CDON: variants seen among roughly 807,000 people sequenced by gnomAD.
The protein encoded by CDON is cell adhesion associated, oncogene regulated.
A neutral mutation model predicts 120.9 loss-of-function variants in CDON; 73 were observed. The observed-to-expected ratio is 0.60, with a 90% CI of 0.50 to 0.73. CDON has a LOEUF of 0.73. Among genes scored for constraint, CDON ranks in the 30% least tolerant of loss-of-function variants. The probability of loss-of-function intolerance (pLI) is 0.00; values close to 1 mark genes in which losing one functional copy is unlikely to be tolerated. For synonymous variants in CDON, 566 were observed against 573.5 expected, an observed-to-expected ratio of 0.99 and a Z score of 0.19; for missense variants, 1,470 against 1,587.3, an observed-to-expected ratio of 0.93 and a Z score of 1.26.
chr11:126,035,957 T>C (rs959182094), intron 1 of CDON, among the ~76,000 whole-genome samples: 1 of 152,156 alleles, frequency 6.6e-6, no homozygotes, highest in Non-Finnish European at 1.5e-5. Context: ...AGGCCACACA[T>C]GCACGAAGCG....
chr11:126,050,279 A>G (rs1948522253), intron 1 of CDON, among the ~76,000 whole-genome samples: 1 of 152,062 alleles, frequency 6.6e-6, no homozygotes, highest in African/African-American at 2.4e-5. Flanking sequence ...TCCTAAACAC[A>G]TACAACTGTG....
chr11:126,010,131 A>T (rs1367078517), intron 8 of CDON, among the ~76,000 whole-genome samples: 1 of 152,214 alleles, frequency 6.6e-6, no homozygotes, highest in Admixed American at 6.5e-5. Flanking sequence ...TTGCACCTAC[A>T]ATCTTAACAA....
At chr11:125,974,518 G>GA (rs952883103) in intron 18 of CDON, among the ~76,000 whole-genome samples, 1 of 151,684 alleles carries the variant, frequency 6.6e-6, no homozygotes, top group South Asian at 2.1e-4. Context: ...AAGGCAGTAA[G>GA]AAAAAATAAC....
rs781027083 is a variant in CDON at position 125,989,751 on chromosome 11, G to T, written c.2659C>A (p.Gln887Lys). The T allele has an allele frequency of 2.5e-6, 4 of 1,612,624 alleles. No homozygotes were observed. In the Admixed American group the frequency reaches 5.0e-5, roughly 20 times the overall value. ...TGCAGGTGGCCAATCATGTGCCACT[G>T]CTTTGAACCTAAAAGGAAAAATAAA... Reference protein sequence around the residue: ...YKRDVVEGSKQWHMIGHLQPE... With the variant: ...YKRDVVEGSKKWHMIGHLQPE... Residue 887 changes from glutamine to lysine, a missense_variant, in exon 15 of 20, where the codon CAG (glutamine) becomes AAG (lysine). Gln to Lys is a moderately conservative substitution (Grantham distance 53). Transcript: ENST00000531738.
At chr11:126,055,763 A>G (rs1032757021) in intron 1 of CDON, among the ~76,000 whole-genome samples, 6 of 152,240 alleles carry the variant, frequency 3.9e-5, no homozygotes, top group Non-Finnish European at 8.8e-5. Flanking sequence ...AAGGTAGTAC[A>G]TGCTATACTT....
chr11:126,019,499 T>G, intron 4 of CDON, 120 bp downstream of exon 4: 1 of 1,049,238 alleles, frequency 9.5e-7, no homozygotes. Context: ...TTTGTTTTAG[T>G]CCTCTCCACT....
At chr11:126,011,053 A>G in intron 7 of CDON, 1 of 349,456 alleles carries the variant, frequency 2.9e-6, no homozygotes, top group Non-Finnish European at 5.6e-6. Flanking sequence ...ATGTGTAAAT[A>G]AGTATAAAAG....
At chr11:125,962,808 GCT>G (rs1358683387) in intron 18 of CDON, among the ~76,000 whole-genome samples, 7 of 152,008 alleles carry the variant, frequency 4.6e-5, no homozygotes, top group South Asian at 2.1e-4. Context: ...TTTTGTACCG[GCT>G]CTGTTTATCG....
intron 1 of CDON, among the ~76,000 whole-genome samples, chr11:126,038,678 T>C (rs993680788): frequency 6.6e-6 from 1 of 151,916 alleles, no homozygotes; most frequent in African/African-American, 2.4e-5. Context: ...AAAGAATCTC[T>C]GGTTATGAAC....
chr11:125,971,382 CTAAATAAATAAA>C (rs374833815), intron 18 of CDON, among the ~76,000 whole-genome samples: 1,686 of 103,206 alleles, frequency 0.016, 13 homozygotes, highest in Non-Finnish European at 0.025. Context: ...GACTCTGTCT[CTAAATAAATAAA>C]TAAATAAATA....
intron 18 of CDON, among the ~76,000 whole-genome samples, chr11:125,976,493 T>C (rs187227549): frequency 6.6e-6 from 1 of 152,272 alleles, no homozygotes; most frequent in African/African-American, 2.4e-5. Context: ...TGAAATGTAG[T>C]AAGTCATTAA....
intron 4 of CDON, 105 bp from the exon 5 acceptor site, chr11:126,018,578 T>A (rs1947538882): frequency 5.9e-6 from 6 of 1,025,524 alleles, no homozygotes; most frequent in Non-Finnish European, 9.1e-6. Flanking sequence ...CCATCTTATT[T>A]TATTTTAGAG....
chr11:125,980,737 T>C (rs1278130339), intron 17 of CDON, among the ~76,000 whole-genome samples: 1 of 152,228 alleles, frequency 6.6e-6, no homozygotes. Flanking sequence ...TCTCGATAAA[T>C]CAAATTTAAA....
chr11:126,043,191 A>G (rs1948312106), intron 1 of CDON, among the ~76,000 whole-genome samples: 1 of 152,190 alleles, frequency 6.6e-6, no homozygotes, highest in Non-Finnish European at 1.5e-5. Flanking sequence ...AGATGTTTGC[A>G]CAGGAGTGTT....
chr11:126,045,026 AAT>A (rs112780236), intron 1 of CDON, among the ~76,000 whole-genome samples: 24,648 of 151,808 alleles, frequency 0.16, 2,233 homozygotes, highest in Middle Eastern at 0.25. Flanking sequence ...AATAATTTAA[AAT>A]ATATATATAG....
chr11:126,050,242 C>T (rs1462978138), intron 1 of CDON, among the ~76,000 whole-genome samples: 2 of 150,982 alleles, frequency 1.3e-5, no homozygotes, highest in Non-Finnish European at 2.9e-5. Flanking sequence ...AAAAAAGCAC[C>T]CTTAGAATTT....
In CDON at chr11:126,018,377, G is replaced by A; in HGVS notation, c.593C>T (p.Thr198Ile). ...AATAGGTTCAACTTTTAATTGATGT[G>A]TGACAGGATTATAAGCTGCACATTT... is the stretch of plus-strand genomic sequence containing the variant. ...SYKCAAYNPV[T>I]HQLKVEPIGR... The change falls in exon 5 of 20, where the codon ACA becomes ATA. Residue 198 changes from threonine (T) to isoleucine (I), a missense_variant. Thr to Ile is a moderately conservative substitution (Grantham distance 89). Coordinates refer to ENST00000531738, the MANE Select transcript of CDON (RefSeq NM_001378964.1). 6 of 1,613,946 alleles carry A rather than the reference G, an allele frequency of 3.7e-6. No homozygotes were observed. Among genetic ancestry groups the A allele is most frequent in the Non-Finnish European group, 5.1e-6 (6 of 1,179,888 alleles).
rs757546563 is a variant in CDON, at chr11:125,961,963, C to T, written c.3392G>A (p.Ser1131Asn). 1 of 1,614,214 alleles carries T rather than the reference C, an allele frequency of 6.2e-7. No homozygotes were observed. Among genetic ancestry groups the T allele is most frequent in the Admixed American group, 1.7e-5 (1 of 60,024 alleles). The change falls in exon 19 of 20, where the codon AGC becomes AAC. Residue 1131 changes from serine to asparagine, a missense_variant. Physicochemically the swap from Ser to Asn is conservative, Grantham distance 46 (BLOSUM62 1). Coordinates refer to ENST00000531738, the MANE Select transcript of CDON (RefSeq NM_001378964.1). ...TACCACAGGGACCACAGGAGGAGGG[C>T]TGCTGCTGAAAGTGCTGTTGGTTTT... ...FTKTNSTFSSSPPPVVPVVAP... is the reference protein window; with the variant it reads ...FTKTNSTFSSNPPPVVPVVAP...
In CDON at chr11:126,019,649, T is replaced by A; in HGVS notation, c.466A>T (p.Ile156Phe). 6.2e-7 allele frequency: 1 copy of A among 1,614,132 alleles called. No individual in the cohort carries two copies. The highest frequency in any genetic ancestry group is 8.5e-7 in the Non-Finnish European group (1 of 1,180,008). Residue 156 changes from isoleucine (I) to phenylalanine (F), a missense_variant, in exon 4 of 20, where the codon ATC becomes TTC. Ile to Phe is a conservative substitution (Grantham distance 21, BLOSUM62 0). Transcript: ENST00000531738. ...SNPKAEVRYKIRGKWLEHSTE... is the reference protein window; with the variant it reads ...SNPKAEVRYKFRGKWLEHSTE... ...GAATGTTCCAGCCATTTTCCCCGGA[T>A]TTTATAGCGCACCTCAGCTTTGGGG...
Sources: gnomAD v4.1 joint callset for allele counts (sites outside exome capture counted in the v4.1 genomes callset) on GRCh38, gnomAD v4.1.1 for gene constraint, MANE v1.5 for transcripts, NCBI Gene and HGNC (gene_info 2026-07-23, HGNC 2026-07-21) for gene names.